The following ZNF701 variants were observed in gnomAD, a reference collection of about 807,000 sequenced individuals.
ZNF701 encodes the protein zinc finger protein 701.
ZNF701 carries 6 observed loss-of-function variants against 7.1 expected under a neutral mutation model. The ratio of observed to expected loss-of-function variants is 0.84; its 90% CI spans 0.46 to 1.66. The LOEUF is 1.66. Among genes scored for constraint, ZNF701 ranks in the 40% most tolerant of loss-of-function variants. The probability of loss-of-function intolerance (pLI) is 0.01; values close to 1 mark genes in which losing one functional copy is unlikely to be tolerated. For missense variants in ZNF701, 541 were observed against 559.2 expected (o/e 0.97, Z 0.33); for synonymous variants, 166 against 188.2 (o/e 0.88, Z 0.97).
chr19:52,587,242 T>C (rs1319656873), downstream of ZNF701: 1 of 152,208 alleles, frequency 6.6e-6, no homozygotes, highest in Non-Finnish European at 1.5e-5. Context: ...AGTACATCAT[T>C]TCCAAATTTA....
the ZNF701 span, among the ~76,000 whole-genome samples, chr19:52,594,805 AC>A: frequency 6.6e-6 from 1 of 152,066 alleles, no homozygotes; most frequent in South Asian, 2.1e-4. Flanking sequence ...GAGCCACCGC[AC>A]CTGGCCCGTT....
At chr19:52,596,243 C>T in the ZNF701 span, 1 of 500,748 alleles carries the variant, frequency 2.0e-6, no homozygotes, top group Non-Finnish European at 3.8e-6. Context: ...GAAGCAATAC[C>T]TTGCATGGCA....
At chr19:52,571,973 G>A (rs906963742) in intron 1 of ZNF701, among the ~76,000 whole-genome samples, 1 of 152,046 alleles carries the variant, frequency 6.6e-6, no homozygotes, top group African/African-American at 2.4e-5. Flanking sequence ...ACAGGCATGT[G>A]CCACCACACC....
downstream of ZNF701, among the ~76,000 whole-genome samples, chr19:52,589,603 C>T (rs1323234981): frequency 6.6e-6 from 1 of 151,738 alleles, no homozygotes; most frequent in East Asian, 1.9e-4. Context: ...CCTCAGCCTC[C>T]CGAGTAGCTG....
Position 52,579,045 on chromosome 19 carries a change from C to CTTTTTA in ZNF701, c.142+3024_142+3025insTTTTTA, listed in dbSNP as rs1455988314. ...ACAGACGTGAGCCACCGCGCCCCGC[C>CTTTTTA]GTGCCCATTTCTTTCAGTAAACAGA... is the stretch of plus-strand genomic sequence containing the variant. On this transcript the variant is annotated intron_variant, in intron 3 of 3. Coordinates refer to ENST00000391785, the MANE Select transcript of ZNF701 (RefSeq NM_018260.3). 1.8e-4 allele frequency among the ~76,000 whole-genome samples: 26 copies of CTTTTTA among 143,968 alleles called. 2 individuals are homozygous for CTTTTTA. The highest frequency in any genetic ancestry group is 6.7e-4 in the African/African-American group (23 of 34,266). 94.4% of individuals were successfully genotyped at this position (143,968 alleles called of 152,430 possible).
rs1027889543 is a variant in ZNF701, at chr19:52,584,642, T to G, written c.*1185T>G. The G allele has an allele frequency of 1.3e-5, 2 of 152,186 alleles. No individual in the cohort carries two copies. The highest frequency in any genetic ancestry group is 4.8e-5 in the African/African-American group (2 of 41,450). The allele number at this position is 152,186 out of a possible 1,614,324, so 9.4% of individuals were successfully genotyped here. On this transcript the variant is annotated 3_prime_UTR_variant, in exon 4 of 4. Transcript: ENST00000391785. ...AGATTTCAAGGTGTGAAATTCTCAGTTTTTTTATGTTTATTCCTAAGTATT... is the reference window on the plus strand; with the variant it reads ...AGATTTCAAGGTGTGAAATTCTCAGGTTTTTTATGTTTATTCCTAAGTATT...
intron 1 of ZNF701, chr19:52,570,638 G>A (rs1367165868): frequency 6.6e-6 from 1 of 152,224 alleles, no homozygotes; most frequent in Non-Finnish European, 1.5e-5. Flanking sequence ...CACCCGAGAT[G>A]TGTATTTCCG....
chr19:52,595,609 T>C, the ZNF701 span: 20 of 1,106,568 alleles, frequency 1.8e-5, no homozygotes, highest in Admixed American at 4.7e-5. Context: ...GGTCTTTATA[T>C]TTTTTAGATA....
intron 3 of ZNF701, among the ~76,000 whole-genome samples, chr19:52,577,824 C>A (rs1318188080): frequency 1.3e-5 from 2 of 152,090 alleles, no homozygotes; most frequent in Non-Finnish European, 2.9e-5. Context: ...GAGGCCTAAA[C>A]CCCTCCCTGT....
intron 3 of ZNF701, among the ~76,000 whole-genome samples, chr19:52,578,284 G>A (rs891794487): frequency 1.7e-4 from 25 of 145,466 alleles, no homozygotes; most frequent in African/African-American, 6.4e-4. Context: ...AAAAAGAAGT[G>A]TATAGAAGAA....
At position 52,583,273 on chromosome 19, in the gene ZNF701, C is replaced by A. The variant is rs2059989127; in HGVS notation, c.1214C>A (p.Thr405Asn). Residue 405 changes from threonine to asparagine, a missense_variant, in exon 4 of 4, where the codon ACT (threonine) becomes AAT (asparagine). Physicochemically the swap from Thr to Asn is moderately conservative, Grantham distance 65. Transcript: ENST00000391785. Reference protein sequence around the residue: ...SSLVMHKVIHTGEKRYKCNEC... With the variant: ...SSLVMHKVIHNGEKRYKCNEC... ...CTTGTAATGCATAAGGTCATTCATA[C>A]TGGAGAGAAACGTTACAAGTGTAAT... 6.2e-7 allele frequency: 1 copy of A among 1,613,768 alleles called. No individual in the cohort carries two copies. The highest frequency in any genetic ancestry group is 1.3e-5 in the African/African-American group (1 of 74,976).
intron 1 of ZNF701, chr19:52,572,506 C>A: frequency 1.2e-6 from 1 of 813,196 alleles, no homozygotes; most frequent in Non-Finnish European, 1.7e-6. Flanking sequence ...GTGAAAGAGG[C>A]TTCTCTAATT....
rs924978726 is a variant in ZNF701 at position 52,578,484 on chromosome 19, G to A, written c.142+2463G>A. On this transcript the variant is annotated intron_variant, in intron 3 of 3. Transcript: ENST00000391785. ...CTGTTTGGGGCCACTACCTGTCTCC[G>A]CGTCTTGATGGTAGTGGTCCCCCAG... is the stretch of plus-strand genomic sequence containing the variant. 7.2e-5 allele frequency among the ~76,000 whole-genome samples: 11 copies of A among 152,002 alleles called. No homozygotes were observed. In the East Asian group the frequency reaches 9.7e-4, roughly 13 times the overall value.
chr19:52,576,113 G>A (rs2868494), intron 3 of ZNF701, 92 bp downstream of exon 3: 56 of 1,597,226 alleles, frequency 3.5e-5, no homozygotes, highest in Middle Eastern at 1.7e-4. Flanking sequence ...TCCTTGCTTG[G>A]CTAAAATGGA....
In ZNF701 at chr19:52,574,169, T is replaced by A. The variant is rs1196701019; in HGVS notation, c.15+7T>A. 8.1e-6 allele frequency: 13 copies of A among 1,608,856 alleles called. No individual in the cohort carries two copies. Among genetic ancestry groups the A allele is most frequent in the Non-Finnish European group, 1.0e-5 (12 of 1,176,754 alleles). Reference sequence around the variant, plus strand: ...AGGGATGGCTCTTCTTCAGGTGAGATGATATTCTCGGGGGATTGTTCTGTC... The same window carrying A: ...AGGGATGGCTCTTCTTCAGGTGAGAAGATATTCTCGGGGGATTGTTCTGTC... On this transcript the variant is annotated splice_region_variant and intron_variant, in intron 2 of 3. Transcript: ENST00000391785.
At chr19:52,598,318 GT>G in the ZNF701 span, among the ~76,000 whole-genome samples, 2 of 152,138 alleles carry the variant, frequency 1.3e-5, no homozygotes, top group Non-Finnish European at 2.9e-5. Context: ...ACGCTGAATC[GT>G]TTTTCCTCTT....
chr19:52,572,166 G>A, intron 1 of ZNF701: 1 of 315,990 alleles, frequency 3.2e-6, no homozygotes, highest in South Asian at 2.3e-5. Context: ...CGATTGTCCT[G>A]CCTCGGCCTT....
rs759259712 is a variant in ZNF701, at chr19:52,582,494, T to G, written c.435T>G (p.His145Gln). ...AAAATGAGCTTGGATCAAGCTTTCA[T>G]TCGCATCTGCCTGAAGTGCACATAT... ...PIKNELGSSFHSHLPEVHIFH... is the reference protein window; with the variant it reads ...PIKNELGSSFQSHLPEVHIFH... Residue 145 changes from histidine (H) to glutamine (Q), a missense_variant, in exon 4 of 4, where the codon CAT (histidine) becomes CAG (glutamine). By Grantham distance (24) the His-to-Gln change is conservative. Transcript: ENST00000391785. The G allele has an allele frequency of 2.5e-6, 4 of 1,614,108 alleles. No homozygotes were observed. The African/African-American group carries it at 5.3e-5, about 22-fold the overall frequency.
At chr19:52,577,750 C>T (rs2059944785) in intron 3 of ZNF701, among the ~76,000 whole-genome samples, 1 of 152,008 alleles carries the variant, frequency 6.6e-6, no homozygotes, top group African/African-American at 2.4e-5. Context: ...AGTCAGGGAA[C>T]ACTCTGCTCC....
Sources: allele counts gnomAD v4.1 joint callset (sites outside exome capture counted in the v4.1 genomes callset), GRCh38; gene constraint gnomAD v4.1.1; transcripts MANE v1.5; gene names NCBI Gene and HGNC (gene_info 2026-07-23, HGNC 2026-07-21).